The following MAPK6 variants were observed in gnomAD, a reference collection of about 807,000 sequenced individuals.
MAPK6 encodes the protein mitogen-activated protein kinase 6.
In MAPK6, 19 loss-of-function variants were observed where a neutral mutation model predicts 59.3. That is an observed-to-expected ratio of 0.32 (90% CI 0.22 to 0.47). The LOEUF is 0.47. MAPK6 is among the 20% of genes least tolerant of loss of function. The pLI, the probability that MAPK6 is intolerant of heterozygous loss-of-function variation, is 1.00. For synonymous variants in MAPK6, 316 were observed against 290.3 expected (o/e 1.09, Z -0.90); for missense variants, 724 against 847.9 (o/e 0.85, Z 1.81).
chr15:52,020,709 G>T (rs35730785), intron 1 of MAPK6, among the ~76,000 whole-genome samples: 1 of 152,226 alleles, frequency 6.6e-6, no homozygotes, highest in African/African-American at 2.4e-5. Flanking sequence ...AGAAATATCA[G>T]ATTTTAATGT....
intron 2 of MAPK6, among the ~76,000 whole-genome samples, chr15:51,992,233 C>G (rs1270335059): frequency 6.6e-6 from 1 of 151,492 alleles, no homozygotes; most frequent in African/African-American, 2.4e-5. Context: ...GGTGGGCTTA[C>G]AGGCATGAGC....
intron 5 of MAPK6, among the ~76,000 whole-genome samples, chr15:52,062,728 G>A (rs974384301): frequency 6.6e-6 from 1 of 152,154 alleles, no homozygotes; most frequent in African/African-American, 2.4e-5. Context: ...TTGCACCACT[G>A]CACTCCAGCC....
At chr15:52,043,005 T>G (rs1296574656) in intron 1 of MAPK6, among the ~76,000 whole-genome samples, 1 of 152,060 alleles carries the variant, frequency 6.6e-6, no homozygotes, top group African/African-American at 2.4e-5. Flanking sequence ...CTGCCTGTAG[T>G]CCCAGCTACT....
intron 2 of MAPK6, among the ~76,000 whole-genome samples, chr15:52,047,400 C>G (rs1194378384): frequency 1.3e-5 from 2 of 152,160 alleles, no homozygotes; most frequent in African/African-American, 4.8e-5. Flanking sequence ...GGGTAGAGTG[C>G]TGTGGCGCCA....
At chr15:52,041,528 G>A (rs1304137384) in intron 1 of MAPK6, among the ~76,000 whole-genome samples, 1 of 152,188 alleles carries the variant, frequency 6.6e-6, no homozygotes, top group Non-Finnish European at 1.5e-5. Context: ...AAGCATGAAA[G>A]ATGGTGGAGA....
chr15:52,058,602 A>G, intron 3 of MAPK6, 31 bp from the exon 4 acceptor site: 2 of 1,547,288 alleles, frequency 1.3e-6, no homozygotes, highest in Non-Finnish European at 1.8e-6. Flanking sequence ...ACATTGAGGA[A>G]TGTGTTTTTT....
intron 1 of MAPK6, among the ~76,000 whole-genome samples, chr15:52,039,794 A>G (rs117724805): frequency 0.017 from 2,547 of 151,882 alleles, 25 homozygotes; most frequent in Non-Finnish European, 0.025. Flanking sequence ...TAGGATTACA[A>G]GTGTGAGCCA....
chr15:52,025,431 G>A (rs953533089), intron 1 of MAPK6, among the ~76,000 whole-genome samples: 1 of 152,150 alleles, frequency 6.6e-6, no homozygotes, highest in African/African-American at 2.4e-5. Context: ...GTAGCCATTG[G>A]CCATGTGTGA....
In MAPK6 at chr15:52,046,757, G is replaced by A. The variant is rs374313292; in HGVS notation, c.297G>A (p.Thr99=). The stretch of plus-strand genomic sequence containing the variant: ...TAACAGACGATGTGGGCTCTCTTAC[G>A]GAACTGAACAGTGTTTACATTGTTC... ...SQLTDDVGSL[T]ELNSVYIVQE... is the part of the protein sequence containing the mutation. The change falls in exon 2 of 6, where the codon ACG becomes ACA. Residue 99 remains threonine, a synonymous_variant. Transcript: ENST00000261845. 2 of 1,614,142 alleles carry A rather than the reference G, an allele frequency of 1.2e-6. No individual in the cohort carries two copies. Among genetic ancestry groups the A allele is most frequent in the Non-Finnish European group, 1.7e-6 (2 of 1,180,006 alleles).
chr15:52,049,691 C>T (rs529221470), intron 2 of MAPK6, among the ~76,000 whole-genome samples: 13 of 150,808 alleles, frequency 8.6e-5, no homozygotes, highest in East Asian at 7.8e-4. Context: ...CTCGGCTCAC[C>T]GCAACCTCTA....
chr15:52,044,583 C>T (rs1033820531), intron 1 of MAPK6, among the ~76,000 whole-genome samples: 2 of 151,854 alleles, frequency 1.3e-5, no homozygotes, highest in African/African-American at 4.8e-5. Context: ...TGCCTCATAT[C>T]TGGTATTCTG....
chr15:52,036,641 G>T (rs2031249963), intron 1 of MAPK6, among the ~76,000 whole-genome samples: 1 of 152,154 alleles, frequency 6.6e-6, no homozygotes, highest in Admixed American at 6.5e-5. Context: ...TGAACTTTGG[G>T]GGACACATTC....
At position 52,064,296 on chromosome 15, in the gene MAPK6, G is replaced by C; in HGVS notation, c.1462G>C (p.Asp488His). The C allele has an allele frequency of 6.2e-7, 1 of 1,609,996 alleles. No individual in the cohort carries two copies. Among genetic ancestry groups the C allele is most frequent in the Non-Finnish European group, 8.5e-7 (1 of 1,178,946 alleles). The change falls in exon 6 of 6, where the codon GAT (aspartate) becomes CAT (histidine). Residue 488 changes from aspartate to histidine, a missense_variant. This residue lies in a region of MAPK6 where 502 missense variants were observed against 507.6 expected (regional missense o/e 0.99). Coordinates refer to ENST00000261845, the MANE Select transcript of MAPK6 (RefSeq NM_002748.4). ...GAAAGAACAAAGCAAAGAAAAATCT[G>C]ATAAGAAAGGCAAATCAAAATGTGA... Reference protein sequence around the residue: ...NWKEQSKEKSDKKGKSKCERN... With the variant: ...NWKEQSKEKSHKKGKSKCERN...
At chr15:52,025,090 A>G (rs539986734) in intron 1 of MAPK6, among the ~76,000 whole-genome samples, 1 of 152,072 alleles carries the variant, frequency 6.6e-6, no homozygotes, top group South Asian at 2.1e-4. Context: ...AATAAAATAA[A>G]ATTAGCCTGT....
At chr15:52,048,925 A>G (rs2031685471) in intron 2 of MAPK6, among the ~76,000 whole-genome samples, 1 of 152,066 alleles carries the variant, frequency 6.6e-6, no homozygotes, top group Non-Finnish European at 1.5e-5. Flanking sequence ...CACTGTATCC[A>G]CAGTGAAGTA....
chr15:52,024,878 C>CTTTTTTTTTTT (rs35983896), intron 1 of MAPK6, among the ~76,000 whole-genome samples: 1 of 84,148 alleles, frequency 1.2e-5, no homozygotes. Context: ...CATACACTGC[C>CTTTTTTTTTTT]TTTTTTTTTT....
chr15:52,063,250 T>G (rs117919856), intron 5 of MAPK6, among the ~76,000 whole-genome samples: 1 of 151,968 alleles, frequency 6.6e-6, no homozygotes, highest in Non-Finnish European at 1.5e-5. Context: ...TTTTTAGTAG[T>G]GGGGGTTTCA....
intron 1 of MAPK6, among the ~76,000 whole-genome samples, chr15:52,023,562 T>C (rs1201670478): frequency 1.3e-5 from 2 of 152,244 alleles, no homozygotes; most frequent in Non-Finnish European, 2.9e-5. Context: ...TTCACCTCCA[T>C]GAACTGCGTA....
At chr15:51,997,391 C>T (rs1251655126) in intron 2 of MAPK6, among the ~76,000 whole-genome samples, 2 of 147,532 alleles carry the variant, frequency 1.4e-5, no homozygotes, top group Admixed American at 6.7e-5. Flanking sequence ...CCTGCCTCAG[C>T]CTCCTAAGTA....
Sources: allele counts gnomAD v4.1 joint callset (sites outside exome capture counted in the v4.1 genomes callset), GRCh38; gene constraint gnomAD v4.1.1; regional missense constraint gnomAD v4.1.1; transcripts MANE v1.5; gene names NCBI Gene and HGNC (gene_info 2026-07-23, HGNC 2026-07-21).